Variants in DCLK3 observed in about 807,000 individuals in gnomAD.
The protein encoded by DCLK3 is serine/threonine-protein kinase DCLK3.
Under a neutral mutation model 46.4 loss-of-function variants are expected in DCLK3, and 30 were observed. That is an observed-to-expected ratio of 0.65 (90% CI 0.48 to 0.88). The LOEUF (loss-of-function observed/expected upper bound fraction) is 0.88. DCLK3 is among the 40% of genes least tolerant of loss of function. The probability of loss-of-function intolerance (pLI) is 0.00; values close to 1 mark genes in which losing one functional copy is unlikely to be tolerated. For synonymous variants in DCLK3, 401 were observed against 339.2 expected, an observed-to-expected ratio of 1.18 and a Z score of -2.00; for missense variants, 846 against 907.1, an observed-to-expected ratio of 0.93 and a Z score of 0.87.
Position 36,721,550 on chromosome 3 carries a change from G to C in DCLK3, c.2069C>G (p.Ala690Gly), listed in dbSNP as rs1701056412. The C allele has an allele frequency of 6.2e-7, 1 of 1,613,964 alleles. No homozygotes were observed. The highest frequency in any genetic ancestry group is 1.1e-5 in the South Asian group (1 of 91,064). The change falls in exon 3 of 5, where the codon GCT (alanine) becomes GGT (glycine). Residue 690 changes from alanine to glycine, a missense_variant. Physicochemically the swap from Ala to Gly is moderately conservative, Grantham distance 60. Around this residue, in one of 3 missense-constraint regions of DCLK3, gnomAD observed 247 missense variants for 322.8 expected, o/e 0.77. Transcript: ENST00000636136. ...FTVCGTPTYV[A>G]PEILSEKGYG... ...ACCTTTCTCAGAAAGAATTTCGGGA[G>C]CTACGTAAGTTGGGGTCCCACACAC...
intron 1 of DCLK3, among the ~76,000 whole-genome samples, chr3:36,761,988 G>A (rs1256141179): frequency 6.6e-6 from 1 of 152,146 alleles, no homozygotes; most frequent in African/African-American, 2.4e-5. Context: ...CCCTCTTTGG[G>A]GGATTTTTTC....
intron 2 of DCLK3, among the ~76,000 whole-genome samples, chr3:36,726,021 C>G (rs1335096366): frequency 6.6e-6 from 1 of 152,100 alleles, no homozygotes; most frequent in Non-Finnish European, 1.5e-5. Context: ...GGATCTTAAC[C>G]TAAAAGAAAC....
At chr3:36,721,396 T>C (rs930683256) in intron 3 of DCLK3, 131 bp downstream of exon 3, 23 of 1,273,670 alleles carry the variant, frequency 1.8e-5, no homozygotes, top group African/African-American at 7.5e-5. Context: ...AATATTTTCA[T>C]TGAAGTCCAA....
chr3:36,742,497 A>G (rs1373775239), intron 1 of DCLK3, among the ~76,000 whole-genome samples: 1 of 152,212 alleles, frequency 6.6e-6, no homozygotes, highest in East Asian at 1.9e-4. Flanking sequence ...CCAACATCAG[A>G]CATGCTCATT....
At chr3:36,753,142 G>T (rs1275591154) in intron 1 of DCLK3, among the ~76,000 whole-genome samples, 1 of 152,206 alleles carries the variant, frequency 6.6e-6, no homozygotes, top group Non-Finnish European at 1.5e-5. Flanking sequence ...AAAACACAAT[G>T]CCAACCTCCA....
At chr3:36,762,834 A>G (rs2125541210) in intron 1 of DCLK3, among the ~76,000 whole-genome samples, 1 of 152,392 alleles carries the variant, frequency 6.6e-6, no homozygotes, top group East Asian at 1.9e-4. Flanking sequence ...AACATCTTTC[A>G]GAAAACACTT....
chr3:36,748,601 T>A (rs1318263863), intron 1 of DCLK3, among the ~76,000 whole-genome samples: 1 of 151,894 alleles, frequency 6.6e-6, no homozygotes, highest in Non-Finnish European at 1.5e-5. Flanking sequence ...ACAGATAACA[T>A]CCTGCCCTGG....
rs1032354104 is a variant in DCLK3 at position 36,714,489 on chromosome 3, A to C, written c.*839T>G. On this transcript the variant is annotated 3_prime_UTR_variant, in exon 5 of 5. Coordinates refer to ENST00000636136, the MANE Select transcript of DCLK3 (RefSeq NM_001394672.2). ...CAGGTAGGAATGTGCTTGAACTCTG[A>C]GCTCCTTCGAGCCCCAGTGTAATCC... is the stretch of plus-strand genomic sequence containing the variant. The C allele has an allele frequency of 3.3e-5, 5 of 152,202 alleles. No individual in the cohort carries two copies. The highest frequency in any genetic ancestry group is 9.7e-5 in the African/African-American group (4 of 41,450). 9.4% of individuals were successfully genotyped at this position (152,202 alleles called of 1,614,324 possible). A position where few individuals can be genotyped will look rare whatever the true frequency, so the allele number is the denominator to read the frequency against.
chr3:36,732,258 C>T (rs746680486), intron 2 of DCLK3, among the ~76,000 whole-genome samples: 70 of 152,254 alleles, frequency 4.6e-4, no homozygotes, highest in African/African-American at 1.6e-3. Context: ...GTGGATGTTT[C>T]GAAAGTAACT....
chr3:36,717,882 G>C, intron 4 of DCLK3, 128 bp downstream of exon 4: 3 of 1,228,854 alleles, frequency 2.4e-6, no homozygotes, highest in Non-Finnish European at 3.4e-6. Flanking sequence ...AGCTACTGAG[G>C]AAGTAAAGGC....
chr3:36,734,792 T>C (rs76345309), intron 2 of DCLK3, among the ~76,000 whole-genome samples: 1,826 of 152,242 alleles, frequency 0.012, 24 homozygotes, highest in South Asian at 0.024. Flanking sequence ...TACTGACATT[T>C]AAACCATGAA....
At chr3:36,736,739 G>A (rs368831845) in intron 2 of DCLK3, among the ~76,000 whole-genome samples, 1 of 152,148 alleles carries the variant, frequency 6.6e-6, no homozygotes, top group Non-Finnish European at 1.5e-5. Context: ...CAGCCTCATC[G>A]GCACTCCTTA....
intron 1 of DCLK3, among the ~76,000 whole-genome samples, chr3:36,760,528 A>G (rs1251339107): frequency 1.1e-4 from 17 of 152,116 alleles, no homozygotes; most frequent in Admixed American, 9.8e-4. Flanking sequence ...CTAATGTTAA[A>G]TAACGAGTTA....
intron 3 of DCLK3, among the ~76,000 whole-genome samples, chr3:36,719,179 A>G (rs1701025898): frequency 6.6e-6 from 1 of 152,240 alleles, no homozygotes; most frequent in East Asian, 1.9e-4. Flanking sequence ...ACCTTCCAGC[A>G]ATGAAATAGA....
At chr3:36,725,995 C>T (rs1274882120) in intron 2 of DCLK3, among the ~76,000 whole-genome samples, 1 of 152,122 alleles carries the variant, frequency 6.6e-6, no homozygotes, top group Non-Finnish European at 1.5e-5. Context: ...GGATTTGATA[C>T]AAGATTATGA....
At chr3:36,725,121 T>C (rs964870068) in intron 2 of DCLK3, among the ~76,000 whole-genome samples, 1 of 151,766 alleles carries the variant, frequency 6.6e-6, no homozygotes, top group Non-Finnish European at 1.5e-5. Context: ...AAGACCATCC[T>C]GGCTAACACG....
intron 2 of DCLK3, among the ~76,000 whole-genome samples, chr3:36,725,385 G>A (rs557854268): frequency 6.6e-6 from 1 of 152,012 alleles, no homozygotes; most frequent in African/African-American, 2.4e-5. Context: ...GGGAGGCCAA[G>A]GTGGAAGGAT....
intron 2 of DCLK3, among the ~76,000 whole-genome samples, chr3:36,723,130 C>A (rs1256560626): frequency 2.0e-5 from 3 of 152,160 alleles, no homozygotes; most frequent in African/African-American, 7.2e-5. Context: ...GGAACTGGGA[C>A]AAAGGTGACT....
chr3:36,750,415 G>T (rs1701429867), intron 1 of DCLK3, among the ~76,000 whole-genome samples: 1 of 152,180 alleles, frequency 6.6e-6, no homozygotes, highest in Non-Finnish European at 1.5e-5. Context: ...TTCTCAAGAA[G>T]AAATAAATAA....
Sources: gnomAD v4.1 joint callset for allele counts (sites outside exome capture counted in the v4.1 genomes callset) on GRCh38, gnomAD v4.1.1 for gene constraint, gnomAD v4.1.1 regional missense constraint, MANE v1.5 for transcripts, NCBI Gene and HGNC (gene_info 2026-07-23, HGNC 2026-07-21) for gene names.